Variants in PTPRM observed in about 807,000 individuals in gnomAD.
PTPRM encodes the protein receptor-type tyrosine-protein phosphatase mu.
In PTPRM, 47 loss-of-function variants were observed where a neutral mutation model predicts 186.7. That is an observed-to-expected ratio of 0.25 (90% CI 0.20 to 0.32). PTPRM has a LOEUF of 0.32. Among genes scored for constraint, PTPRM ranks in the 10% least tolerant of loss-of-function variants. PTPRM has a pLI of 1.00. For synonymous variants in PTPRM, 668 were observed against 674.9 expected, an observed-to-expected ratio of 0.99 and a Z score of 0.16; for missense variants, 1,494 against 1,865.0, an observed-to-expected ratio of 0.80 and a Z score of 3.66.
At chr18:8,247,470 C>G (rs1425276439) in intron 15 of PTPRM, among the ~76,000 whole-genome samples, 1 of 152,160 alleles carries the variant, frequency 6.6e-6, no homozygotes, top group Non-Finnish European at 1.5e-5. Flanking sequence ...TCTCCAAAAG[C>G]CATGTGTAGA....
intron 12 of PTPRM, 112 bp downstream of exon 12, chr18:8,113,871 T>A: frequency 9.1e-7 from 1 of 1,098,802 alleles, no homozygotes; most frequent in Non-Finnish European, 1.3e-6. Context: ...TTTCTACTTG[T>A]AAACAAATGT....
chr18:7,823,759 C>T (rs541695295), intron 2 of PTPRM, among the ~76,000 whole-genome samples: 8 of 152,188 alleles, frequency 5.3e-5, no homozygotes, highest in African/African-American at 9.7e-5. Context: ...GCCCTTGGGT[C>T]GGCTTCCCTG....
chr18:7,860,713 G>C (rs2047336404), intron 2 of PTPRM, among the ~76,000 whole-genome samples: 1 of 152,152 alleles, frequency 6.6e-6, no homozygotes. Flanking sequence ...CCAGTATGCA[G>C]GGAAATAATC....
At chr18:7,702,148 C>T (rs1568038860) in intron 1 of PTPRM, among the ~76,000 whole-genome samples, 1 of 152,080 alleles carries the variant, frequency 6.6e-6, no homozygotes, top group East Asian at 1.9e-4. Flanking sequence ...GAACAGTAAA[C>T]ATATGTGTGC....
At chr18:8,392,351 G>A (rs568455599) in intron 31 of PTPRM, among the ~76,000 whole-genome samples, 18 of 152,226 alleles carry the variant, frequency 1.2e-4, no homozygotes, top group East Asian at 1.9e-4. Flanking sequence ...ATGGCCGGGC[G>A]CGGTGGCTCA....
intron 22 of PTPRM, among the ~76,000 whole-genome samples, chr18:8,340,312 C>T (rs34727991): frequency 0.28 from 42,306 of 152,018 alleles, 6,093 homozygotes; most frequent in East Asian, 0.48. Context: ...ATTTTAACAC[C>T]GAATTCTTTT....
chr18:7,953,371 A>G (rs1168486843), intron 6 of PTPRM, among the ~76,000 whole-genome samples: 2 of 152,158 alleles, frequency 1.3e-5, no homozygotes, highest in Non-Finnish European at 2.9e-5. Context: ...CTTAGGATGT[A>G]CCATAAAAGG....
At chr18:7,629,091 C>G (rs894124815) in intron 1 of PTPRM, among the ~76,000 whole-genome samples, 4 of 152,142 alleles carry the variant, frequency 2.6e-5, no homozygotes, top group African/African-American at 7.2e-5. Context: ...TGATGGTACA[C>G]TCATGGAAGC....
At chr18:7,834,707 T>C (rs1348965425) in intron 2 of PTPRM, among the ~76,000 whole-genome samples, 1 of 151,782 alleles carries the variant, frequency 6.6e-6, no homozygotes, top group Non-Finnish European at 1.5e-5. Flanking sequence ...TAAATGTTCG[T>C]TAGAATTCAG....
Position 7,890,636 on chromosome 18 carries a change from A to G in PTPRM, c.468+2259A>G, listed in dbSNP as rs141160762. ...GTTTTAAAATTGTTAAAAAATTTAG[A>G]TATGCTTAAATCTAGCAGTCCACTA... On this transcript the variant is annotated intron_variant, in intron 3 of 32. Coordinates refer to ENST00000580170, the MANE Select transcript of PTPRM (RefSeq NM_001105244.2). Among the ~76,000 whole-genome samples the G allele has an allele frequency of 3.7e-3, 569 of 152,306 alleles. 4 individuals carry two copies. The highest frequency in any genetic ancestry group is 0.013 in the African/African-American group (538 of 41,566).
chr18:7,602,572 C>T (rs2037429292), intron 1 of PTPRM, among the ~76,000 whole-genome samples: 1 of 151,838 alleles, frequency 6.6e-6, no homozygotes, highest in Non-Finnish European at 1.5e-5. Context: ...CAACTATAGG[C>T]ACATGCCATC....
intron 1 of PTPRM, among the ~76,000 whole-genome samples, chr18:7,669,140 G>A (rs2039161291): frequency 6.6e-6 from 1 of 152,054 alleles, no homozygotes; most frequent in Non-Finnish European, 1.5e-5. Context: ...TTGAAACCTA[G>A]GAAAGAAAGG....
chr18:7,719,975 G>T (rs1357757473), intron 1 of PTPRM, among the ~76,000 whole-genome samples: 1 of 152,138 alleles, frequency 6.6e-6, no homozygotes, highest in Non-Finnish European at 1.5e-5. Flanking sequence ...GAGGTAGGAG[G>T]ATCTCTTGAT....
chr18:8,027,905 C>T (rs949471426), intron 7 of PTPRM, among the ~76,000 whole-genome samples: 1 of 152,164 alleles, frequency 6.6e-6, no homozygotes, highest in Non-Finnish European at 1.5e-5. Flanking sequence ...TCTTCTGTCT[C>T]TTCTCCACGC....
At chr18:7,663,789 T>C (rs2039031166) in intron 1 of PTPRM, among the ~76,000 whole-genome samples, 1 of 152,198 alleles carries the variant, frequency 6.6e-6, no homozygotes, top group South Asian at 2.1e-4. Flanking sequence ...TATTGATGGG[T>C]TCCCTCAGGG....
Position 8,139,343 on chromosome 18 carries a change from C to G in PTPRM, c.2168-4304C>G, listed in dbSNP as rs72913650. 5.7e-3 allele frequency among the ~76,000 whole-genome samples: 867 copies of G among 152,326 alleles called. 2 individuals carry two copies. The highest frequency in any genetic ancestry group is 9.6e-3 in the Non-Finnish European group (652 of 68,030). ...TCACAGCGTGTCTCAAGTTTGATGG[C>G]ATCTTGCCACCTGCACTGCTACCTT... On this transcript the variant is annotated intron_variant, in intron 13 of 32. Transcript: ENST00000580170.
In PTPRM at chr18:7,750,157, C is replaced by T. The variant is rs144410099; in HGVS notation, c.74-23992C>T. On this transcript the variant is annotated intron_variant, in intron 1 of 32. Coordinates refer to ENST00000580170, the MANE Select transcript of PTPRM (RefSeq NM_001105244.2). ...AGTGTTGTGACTAAAGGATATTTTT[C>T]TCTGTTATCGCTTTAATAACTATAA... Among the ~76,000 whole-genome samples, 687 of 152,130 alleles carry T rather than the reference C, an allele frequency of 4.5e-3. 5 individuals carry two copies. Among genetic ancestry groups the T allele is most frequent in the African/African-American group, 0.016 (675 of 41,470 alleles).
chr18:8,068,740 CTT>C (rs1173259326), intron 7 of PTPRM, among the ~76,000 whole-genome samples: 2 of 152,188 alleles, frequency 1.3e-5, no homozygotes, highest in African/African-American at 2.4e-5. Context: ...AGCTTTTACT[CTT>C]GTTTTCCAAT....
At chr18:8,188,800 C>T (rs2093674062) in intron 14 of PTPRM, among the ~76,000 whole-genome samples, 1 of 152,064 alleles carries the variant, frequency 6.6e-6, no homozygotes, top group South Asian at 2.1e-4. Context: ...ATGTTTAATA[C>T]AGAGATCCAG....
Sources: allele counts gnomAD v4.1 joint callset (sites outside exome capture counted in the v4.1 genomes callset), GRCh38; gene constraint gnomAD v4.1.1; transcripts MANE v1.5; gene names NCBI Gene and HGNC (gene_info 2026-07-23, HGNC 2026-07-21).